The following FAM20C variants were observed in gnomAD, a reference collection of about 807,000 sequenced individuals.
FAM20C encodes FAM20C golgi associated secretory pathway kinase.
A neutral mutation model predicts 51.5 loss-of-function variants in FAM20C; 40 were observed. The observed-to-expected ratio is 0.78, with a 90% confidence interval of 0.60 to 1.01. The LOEUF (loss-of-function observed/expected upper bound fraction) is 1.01. Ranked by LOEUF, FAM20C falls within the 50% of genes least tolerant of loss-of-function variation. The pLI, the probability that FAM20C is intolerant of heterozygous loss-of-function variation, is 0.00. For synonymous variants in FAM20C, 406 were observed against 380.6 expected (o/e 1.07, Z -0.78); for missense variants, 861 against 844.7 (o/e 1.02, Z -0.24).
At chr7:245,891 G>A (rs1360504554) in intron 3 of FAM20C, 1 of 152,934 alleles carries the variant, frequency 6.5e-6, no homozygotes, top group African/African-American at 2.4e-5. Context: ...CTTACTGTGG[G>A]AGGCGTCCAC....
chr7:260,380 G>C lies in FAM20C; in HGVS notation c.*400G>C, dbSNP rs547861600. 1.4e-3 allele frequency: 218 copies of C among 160,642 alleles called. No homozygotes were observed. The highest frequency in any genetic ancestry group is 4.8e-3 in the African/African-American group (202 of 41,936). 10.0% of individuals were successfully genotyped at this position (160,642 alleles called of 1,614,324 possible). On this transcript the variant is annotated 3_prime_UTR_variant, in exon 10 of 10. Coordinates refer to ENST00000313766, the MANE Select transcript of FAM20C (RefSeq NM_020223.4). ...CTCCCTGGTTCTGGGGGCCCCTCAAGGCCAAGCTCACCCCTCAAGTGCTCT... is the reference window on the plus strand; with the variant it reads ...CTCCCTGGTTCTGGGGGCCCCTCAACGCCAAGCTCACCCCTCAAGTGCTCT...
intron 3 of FAM20C, among the ~76,000 whole-genome samples, chr7:233,427 C>G (rs890924567): frequency 1.8e-4 from 27 of 152,332 alleles, no homozygotes; most frequent in African/African-American, 6.5e-4. Context: ...GTATTCCCCT[C>G]CTTGGCTGCT....
At chr7:250,193 G>A (rs1414617422) in intron 5 of FAM20C, among the ~76,000 whole-genome samples, 3 of 152,262 alleles carry the variant, frequency 2.0e-5, no homozygotes, top group Admixed American at 1.3e-4. Flanking sequence ...GTTTCAGATC[G>A]ATGTACGGAC....
At chr7:256,597 G>T in intron 6 of FAM20C, 57 bp from the exon 7 acceptor site, 1 of 1,399,326 alleles carries the variant, frequency 7.1e-7, no homozygotes, top group Non-Finnish European at 9.8e-7. Flanking sequence ...CTCATGGCAC[G>T]CGCCGGGCTC....
At chr7:218,650 C>T (rs78343720) in intron 3 of FAM20C, among the ~76,000 whole-genome samples, 8,087 of 152,318 alleles carry the variant, frequency 0.053, 265 homozygotes, top group Non-Finnish European at 0.082. Context: ...GTGGCCCAGC[C>T]GAGGACAGGG....
rs377615599 is a variant in FAM20C at position 248,384 on chromosome 7, C to T, written c.1026C>T (p.Asp342=). ...TCAACATGACCAAGGAGATCCGGGA[C>T]GTCACACGGGACAAGAAGCTCTGGA... ...RMVNMTKEIR[D]VTRDKKLWRT... Residue 342 remains aspartate, a synonymous_variant, in exon 5 of 10, where the codon GAC becomes GAT. Transcript: ENST00000313766. 947 of 1,535,742 alleles carry T rather than the reference C, an allele frequency of 6.2e-4. 8 individuals are homozygous for T. Among genetic ancestry groups the T allele is most frequent in the Middle Eastern group, 3.4e-3 (20 of 5,960 alleles).
At chr7:194,863 C>T (rs1222082783) in intron 1 of FAM20C, among the ~76,000 whole-genome samples, 3 of 151,736 alleles carry the variant, frequency 2.0e-5, no homozygotes, top group Non-Finnish European at 4.4e-5. Context: ...ACAAGTTCCG[C>T]GTTTCCCTCC....
Position 258,714 on chromosome 7 carries a change from C to CAGTG in FAM20C, c.1505+9_1505+10insAGTG, listed in dbSNP as rs1788747437. On this transcript the variant is annotated intron_variant, in intron 9 of 9. Coordinates refer to ENST00000313766, the MANE Select transcript of FAM20C (RefSeq NM_020223.4). ...CTACAGCAGTGCTGCAGGTACAGCC[C>CAGTG]CTGCCGGAGCCGGCTCCAGCTCCAC... is the stretch of plus-strand genomic sequence containing the variant. The CAGTG allele has an allele frequency of 1.3e-6, 2 of 1,533,398 alleles. No homozygotes were observed. Among genetic ancestry groups the CAGTG allele is most frequent in the Non-Finnish European group, 1.7e-6 (2 of 1,144,594 alleles). The allele number at this position is 1,533,398 out of a possible 1,614,324, so 95.0% of individuals were successfully genotyped here.
intron 2 of FAM20C, among the ~76,000 whole-genome samples, chr7:207,042 C>T (rs1378717471): frequency 4.4e-5 from 2 of 45,338 alleles, no homozygotes; most frequent in Non-Finnish European, 8.3e-5. Flanking sequence ...TGTGACGCGT[C>T]GGTCACTGTC....
intron 2 of FAM20C, among the ~76,000 whole-genome samples, chr7:201,787 G>A (rs1464865239): frequency 2.6e-5 from 4 of 152,180 alleles, no homozygotes; most frequent in Non-Finnish European, 4.4e-5. Context: ...GTCTCGTGCT[G>A]TGACCCGGGG....
At chr7:246,837 G>A (rs1788187077) in intron 4 of FAM20C, among the ~76,000 whole-genome samples, 1 of 152,114 alleles carries the variant, frequency 6.6e-6, no homozygotes, top group Admixed American at 6.5e-5. Context: ...AGAAACTGAG[G>A]CTCTGTGAGC....
intron 6 of FAM20C, chr7:256,409 G>A (rs1018182901): frequency 6.9e-6 from 4 of 577,014 alleles, no homozygotes; most frequent in Non-Finnish European, 1.2e-5. Flanking sequence ...CAGAGACTCT[G>A]CAAAAAACAC....
At chr7:229,939 G>A (rs560163777) in intron 3 of FAM20C, among the ~76,000 whole-genome samples, 9 of 152,198 alleles carry the variant, frequency 5.9e-5, no homozygotes, top group African/African-American at 2.2e-4. Context: ...GCCTCCCTGA[G>A]TTTGGCCCTG....
chr7:193,768 C>T lies in FAM20C; in HGVS notation c.569C>T (p.Thr190Ile). 1 of 1,551,612 alleles carries T rather than the reference C, an allele frequency of 6.4e-7. No individual in the cohort carries two copies. Among genetic ancestry groups the T allele is most frequent in the South Asian group, 1.2e-5 (1 of 84,114 alleles). Residue 190 changes from threonine to isoleucine, a missense_variant, in exon 1 of 10, where the codon ACC becomes ATC. Around this residue, in one of 3 missense-constraint regions of FAM20C, gnomAD observed 561 missense variants for 499.8 expected, o/e 1.12. Coordinates refer to ENST00000313766, the MANE Select transcript of FAM20C (RefSeq NM_020223.4). ...EDVLFNVNSD[T>I]RLSPKAAENP... ...GTCCTGTTCAATGTGAACAGCGACA[C>T]CAGGCTCAGCCCCAAAGCGGCGGAG...
intron 3 of FAM20C, among the ~76,000 whole-genome samples, chr7:213,915 A>G (rs1478594110): frequency 6.6e-6 from 1 of 152,014 alleles, no homozygotes; most frequent in Non-Finnish European, 1.5e-5. Flanking sequence ...GGTGACTAAT[A>G]TTGGAGTGTC....
chr7:235,729 C>T (rs1787829381), intron 3 of FAM20C, among the ~76,000 whole-genome samples: 2 of 152,270 alleles, frequency 1.3e-5, no homozygotes, highest in South Asian at 2.1e-4. Flanking sequence ...TCTGTCTGGC[C>T]TAGGCTGCAT....
At chr7:224,291 G>T (rs377161601) in intron 3 of FAM20C, among the ~76,000 whole-genome samples, 878 of 16,206 alleles carry the variant, frequency 0.054, 36 homozygotes, top group Middle Eastern at 0.12. Context: ...CTTCTCTCAC[G>T]GAGCAGAATG....
chr7:255,190 G>C (rs918422258), intron 5 of FAM20C, among the ~76,000 whole-genome samples: 1 of 152,174 alleles, frequency 6.6e-6, no homozygotes, highest in African/African-American at 2.4e-5. Flanking sequence ...TGGCTGTGCC[G>C]TGTGCACCCC....
intron 5 of FAM20C, among the ~76,000 whole-genome samples, chr7:251,281 C>G (rs1287458628): frequency 1.2e-5 from 1 of 80,304 alleles, no homozygotes; most frequent in Non-Finnish European, 2.9e-5. Flanking sequence ...CGCCTGCAAT[C>G]CCAGTACTGG....
Sources: gnomAD v4.1 joint callset for allele counts (sites outside exome capture counted in the v4.1 genomes callset) on GRCh38, gnomAD v4.1.1 for gene constraint, gnomAD v4.1.1 regional missense constraint, MANE v1.5 for transcripts, NCBI Gene and HGNC (gene_info 2026-07-23, HGNC 2026-07-21) for gene names.